Variants in LOC128706665 observed in about 807,000 individuals in gnomAD.
At chr20:10,418,890 T>A in the LOC128706665 span, among the ~76,000 whole-genome samples, 1 of 152,118 alleles carries the variant, frequency 6.6e-6, no homozygotes, top group Non-Finnish European at 1.5e-5. Flanking sequence ...CCTGCTTATA[T>A]ATATTAAAAC....
chr20:10,424,406 CAT>C, the LOC128706665 span, among the ~76,000 whole-genome samples: 2 of 151,920 alleles, frequency 1.3e-5, no homozygotes, highest in Non-Finnish European at 2.9e-5. Flanking sequence ...AAAGAAAAAA[CAT>C]ATATTTTTAA....
chr20:10,429,351 T>C, the LOC128706665 span, among the ~76,000 whole-genome samples: 1 of 152,302 alleles, frequency 6.6e-6, no homozygotes, highest in African/African-American at 2.4e-5. Flanking sequence ...TATTCATCCT[T>C]ATCAAAGATC....
chr20:10,426,325 T>C, the LOC128706665 span, among the ~76,000 whole-genome samples: 1 of 152,170 alleles, frequency 6.6e-6, no homozygotes, highest in Non-Finnish European at 1.5e-5. Context: ...TGATCACGGA[T>C]GAGGGGAACA....
At chr20:10,432,724 A>AG in the LOC128706665 span, among the ~76,000 whole-genome samples, 1 of 131,380 alleles carries the variant, frequency 7.6e-6, no homozygotes, top group Non-Finnish European at 1.6e-5. Flanking sequence ...TGAACCCGGG[A>AG]GGCGGAGGTT....
the LOC128706665 span, among the ~76,000 whole-genome samples, chr20:10,422,585 T>C: frequency 1.3e-5 from 2 of 152,192 alleles, no homozygotes; most frequent in African/African-American, 4.8e-5. Flanking sequence ...GATTGACATA[T>C]GGCATTCTTG....
At chr20:10,429,716 T>C in the LOC128706665 span, among the ~76,000 whole-genome samples, 2 of 152,160 alleles carry the variant, frequency 1.3e-5, no homozygotes, top group Admixed American at 1.3e-4. Context: ...AAGTGTTTCT[T>C]TACATAATCC....
chr20:10,433,587 C>G, the LOC128706665 span, among the ~76,000 whole-genome samples: 3 of 152,300 alleles, frequency 2.0e-5, no homozygotes, highest in South Asian at 6.2e-4. Context: ...CGAGCATGAC[C>G]TTAGAGGGTC....
At chr20:10,429,708 G>A in the LOC128706665 span, among the ~76,000 whole-genome samples, 2 of 152,164 alleles carry the variant, frequency 1.3e-5, no homozygotes, top group African/African-American at 4.8e-5. Flanking sequence ...TTTGACATAA[G>A]TGTTTCTTTA....
the LOC128706665 span, among the ~76,000 whole-genome samples, chr20:10,414,696 C>A: frequency 6.6e-6 from 1 of 152,142 alleles, no homozygotes; most frequent in Non-Finnish European, 1.5e-5. Context: ...TATATCAAGT[C>A]ATGTTTGTAA....
the LOC128706665 span, among the ~76,000 whole-genome samples, chr20:10,422,647 T>C: frequency 3.9e-5 from 6 of 152,168 alleles, no homozygotes; most frequent in African/African-American, 1.4e-4. Context: ...TTATATCCAG[T>C]CTCAATACTT....
chr20:10,425,541 G>C, the LOC128706665 span, among the ~76,000 whole-genome samples: 1 of 152,170 alleles, frequency 6.6e-6, no homozygotes, highest in African/African-American at 2.4e-5. Context: ...AGACAGACTG[G>C]GAGATCCAAT....
the LOC128706665 span, among the ~76,000 whole-genome samples, chr20:10,427,029 G>GACACACACACACACACACACACAC: frequency 9.6e-4 from 126 of 130,774 alleles, 2 homozygotes; most frequent in Middle Eastern, 4.2e-3. Flanking sequence ...AGAAAACACT[G>GACACACACACACACACACACACAC]ACACACACAC....
the LOC128706665 span, among the ~76,000 whole-genome samples, chr20:10,417,245 TAA>T: frequency 0.15 from 19,928 of 132,492 alleles, 1,539 homozygotes; most frequent in East Asian, 0.25. Context: ...GACTCCATCT[TAA>T]AAAAAAAAAA....
chr20:10,430,065 G>A, the LOC128706665 span, among the ~76,000 whole-genome samples: 1 of 152,136 alleles, frequency 6.6e-6, no homozygotes, highest in Non-Finnish European at 1.5e-5. Context: ...AAACAAATCT[G>A]GTTGTATTCC....
chr20:10,424,880 T>C, the LOC128706665 span, among the ~76,000 whole-genome samples: 112 of 151,934 alleles, frequency 7.4e-4, no homozygotes, highest in African/African-American at 2.6e-3. Flanking sequence ...GGTGAAACCC[T>C]GTCTCTACTA....
the LOC128706665 span, among the ~76,000 whole-genome samples, chr20:10,425,666 A>G: frequency 6.6e-6 from 1 of 152,248 alleles, no homozygotes; most frequent in Non-Finnish European, 1.5e-5. Context: ...TGAGTCTAAA[A>G]CAAAGATTTC....
the LOC128706665 span, among the ~76,000 whole-genome samples, chr20:10,418,046 T>C: frequency 6.6e-6 from 1 of 152,190 alleles, no homozygotes; most frequent in Non-Finnish European, 1.5e-5. Context: ...AATTCAGAAA[T>C]ATAAACATGG....
At chr20:10,422,818 T>A in the LOC128706665 span, among the ~76,000 whole-genome samples, 1 of 151,766 alleles carries the variant, frequency 6.6e-6, no homozygotes, top group Non-Finnish European at 1.5e-5. Flanking sequence ...TTCACGCCAT[T>A]CTCCTGCCTC....
chr20:10,432,789 CAAAAA>C, the LOC128706665 span, among the ~76,000 whole-genome samples: 3 of 74,558 alleles, frequency 4.0e-5, no homozygotes, highest in South Asian at 6.8e-4. Context: ...GACTCTTTGT[CAAAAA>C]AAAAAAAAAA....
Sources: gnomAD v4.1 joint callset for allele counts (sites outside exome capture counted in the v4.1 genomes callset) on GRCh38, gnomAD v4.1.1 for gene constraint, MANE v1.5 for transcripts.